Variants in ELP4 observed in about 807,000 individuals in gnomAD.
ELP4 encodes elongator complex protein 4.
In ELP4, 51 loss-of-function variants were observed where a neutral mutation model predicts 48.9. That is an observed-to-expected ratio of 1.04 (90% CI 0.83 to 1.32). The LOEUF (loss-of-function observed/expected upper bound fraction) is 1.32, where lower values mean the gene tolerates loss of function less well. Ranked by LOEUF, ELP4 falls within the 40% of genes most tolerant of loss-of-function variation. The probability of loss-of-function intolerance (pLI) is 0.00; values close to 1 mark genes in which losing one functional copy is unlikely to be tolerated. For synonymous variants in ELP4, 210 were observed against 189.2 expected, an observed-to-expected ratio of 1.11 and a Z score of -0.90; for missense variants, 519 against 514.6, an observed-to-expected ratio of 1.01 and a Z score of -0.08.
intron 4 of ELP4, among the ~76,000 whole-genome samples, chr11:31,601,376 T>G (rs1010574744): frequency 3.9e-5 from 6 of 152,120 alleles, no homozygotes; most frequent in Non-Finnish European, 5.9e-5. Flanking sequence ...CAATAAAATT[T>G]TCATGGCTAC....
chr11:31,738,740 C>CAA (rs764596251), intron 9 of ELP4, among the ~76,000 whole-genome samples: 1 of 136,074 alleles, frequency 7.3e-6, no homozygotes, highest in Non-Finnish European at 1.6e-5. Flanking sequence ...GACCTTGTCT[C>CAA]AAAAAAAAAA....
At chr11:31,546,300 C>G (rs1956712876) in intron 3 of ELP4, among the ~76,000 whole-genome samples, 1 of 151,686 alleles carries the variant, frequency 6.6e-6, no homozygotes. Flanking sequence ...ATCTACCAAG[C>G]AAATGGAAAA....
chr11:31,574,522 G>T (rs1957239141), intron 3 of ELP4, among the ~76,000 whole-genome samples: 1 of 152,166 alleles, frequency 6.6e-6, no homozygotes, highest in African/African-American at 2.4e-5. Flanking sequence ...ACCTAACTGG[G>T]ACACACCTCC....
At chr11:31,559,188 A>G (rs78664146) in intron 3 of ELP4, among the ~76,000 whole-genome samples, 4,034 of 152,288 alleles carry the variant, frequency 0.026, 169 homozygotes, top group African/African-American at 0.092. Flanking sequence ...TGGAAACCCC[A>G]AAGAAGATAG....
At chr11:31,537,200 A>G (rs559726736) in intron 2 of ELP4, among the ~76,000 whole-genome samples, 4 of 152,320 alleles carry the variant, frequency 2.6e-5, no homozygotes, top group Non-Finnish European at 4.4e-5. Flanking sequence ...TGAGTGTACT[A>G]TGAGGCAAGA....
chr11:31,529,130 AG>A (rs1378477728), intron 2 of ELP4, among the ~76,000 whole-genome samples: 1 of 151,780 alleles, frequency 6.6e-6, no homozygotes, highest in Non-Finnish European at 1.5e-5. Flanking sequence ...AAAAAAAAAA[AG>A]TTATTATGAG....
intron 9 of ELP4, among the ~76,000 whole-genome samples, chr11:31,777,523 G>A (rs1371380361): frequency 1.3e-5 from 2 of 152,178 alleles, no homozygotes; most frequent in Non-Finnish European, 2.9e-5. Flanking sequence ...AAATTGACAT[G>A]CCACTAGTTG....
chr11:31,685,840 AG>A (rs1288670177), intron 9 of ELP4, among the ~76,000 whole-genome samples: 2 of 151,666 alleles, frequency 1.3e-5, no homozygotes, highest in African/African-American at 4.8e-5. Flanking sequence ...CTGAGGCAGG[AG>A]AATCACTTCA....
intron 4 of ELP4, chr11:31,599,605 G>C (rs1376743560): frequency 1.3e-5 from 2 of 151,978 alleles, no homozygotes; most frequent in Non-Finnish European, 2.9e-5. Context: ...TTGTCTCACA[G>C]TTTCACATAC....
intron 9 of ELP4, among the ~76,000 whole-genome samples, chr11:31,688,213 A>G (rs1946203095): frequency 6.6e-6 from 1 of 152,208 alleles, no homozygotes; most frequent in Non-Finnish European, 1.5e-5. Context: ...CTTTCTACAA[A>G]GAATGGTGTT....
intron 7 of ELP4, chr11:31,633,505 G>A (rs1412548928): frequency 7.9e-5 from 12 of 152,018 alleles, no homozygotes; most frequent in Admixed American, 7.9e-4. Context: ...AGCAGAGGAT[G>A]ATTCGGTTTT....
chr11:31,517,128 T>C (rs1956128347), intron 1 of ELP4, among the ~76,000 whole-genome samples: 1 of 152,176 alleles, frequency 6.6e-6, no homozygotes, highest in Non-Finnish European at 1.5e-5. Context: ...GATTTCAAAC[T>C]GTTTAACACA....
At chr11:31,647,547 A>G (rs1325777239) in intron 7 of ELP4, 194 bp from the exon 8 acceptor site, 5 of 469,558 alleles carry the variant, frequency 1.1e-5, no homozygotes, top group Non-Finnish European at 1.9e-5. Flanking sequence ...GCATGACTAC[A>G]TGGGCCAGCA....
At position 31,631,890 on chromosome 11, in the gene ELP4, T is replaced by G. The variant is rs189703921; in HGVS notation, c.739-327T>G. ...GGGTTTGCAAGCATTCTAGTTTAGA[T>G]TTCATCATTATTATCTGTTTTGTTA... On this transcript the variant is annotated intron_variant, in intron 6 of 9. Transcript: ENST00000640961. Among the ~76,000 whole-genome samples the G allele has an allele frequency of 5.4e-4, 82 of 152,270 alleles. No individual in the cohort carries two copies. In the Middle Eastern group the frequency reaches 0.01, roughly 19 times the overall value.
At chr11:31,748,340 GT>G (rs1947643509) in intron 9 of ELP4, among the ~76,000 whole-genome samples, 1 of 151,620 alleles carries the variant, frequency 6.6e-6, no homozygotes, top group South Asian at 2.1e-4. Context: ...CGCCTCTCAG[GT>G]TCACGCTATT....
intron 9 of ELP4, among the ~76,000 whole-genome samples, chr11:31,769,251 TGTAGA>T (rs1948093490): frequency 1.3e-5 from 2 of 152,116 alleles, no homozygotes; most frequent in South Asian, 2.1e-4. Flanking sequence ...CTCAGGGCTT[TGTAGA>T]GTAATGTTCT....
At chr11:31,510,338 C>G in intron 1 of ELP4, 1 of 495,524 alleles carries the variant, frequency 2.0e-6, no homozygotes, top group Non-Finnish European at 3.6e-6. Context: ...GTTTGGCTTT[C>G]ATTCAGGATA....
intron 9 of ELP4, among the ~76,000 whole-genome samples, chr11:31,682,292 A>T (rs1236699992): frequency 1.3e-5 from 2 of 152,080 alleles, no homozygotes; most frequent in African/African-American, 4.8e-5. Context: ...CATCAATAAG[A>T]CTCATAGGTG....
intron 9 of ELP4, among the ~76,000 whole-genome samples, chr11:31,774,604 A>T (rs975706954): frequency 1.3e-5 from 2 of 152,194 alleles, no homozygotes; most frequent in Non-Finnish European, 2.9e-5. Context: ...AGTATTCTGA[A>T]TTTCTCTAAT....
Sources: gnomAD v4.1 joint callset for allele counts (sites outside exome capture counted in the v4.1 genomes callset) on GRCh38, gnomAD v4.1.1 for gene constraint, MANE v1.5 for transcripts, NCBI Gene and HGNC (gene_info 2026-07-23, HGNC 2026-07-21) for gene names.